Variants in RALGAPA1 observed in about 807,000 individuals in gnomAD.
RALGAPA1 encodes ral GTPase-activating protein subunit alpha-1.
A neutral mutation model predicts 269.6 loss-of-function variants in RALGAPA1; 52 were observed. The observed-to-expected ratio is 0.19, with a 90% confidence interval of 0.15 to 0.24. The LOEUF (loss-of-function observed/expected upper bound fraction) is 0.24, where lower values mean the gene tolerates loss of function less well. Ranked by LOEUF, RALGAPA1 falls within the 10% of genes least tolerant of loss-of-function variation. The pLI is 1.00. For synonymous variants in RALGAPA1, 817 were observed against 1,008.3 expected (o/e 0.81, Z 3.60); for missense variants, 1,917 against 3,013.9 (o/e 0.64, Z 8.52).
chr14:35,653,176 T>C (rs1329030706), intron 30 of RALGAPA1, among the ~76,000 whole-genome samples: 1 of 152,138 alleles, frequency 6.6e-6, no homozygotes, highest in African/African-American at 2.4e-5. Context: ...CTCAGTTCTC[T>C]CATCTTAAAT....
At chr14:35,664,335 G>A (rs2140158828) in intron 27 of RALGAPA1, among the ~76,000 whole-genome samples, 1 of 152,270 alleles carries the variant, frequency 6.6e-6, no homozygotes, top group Middle Eastern at 3.4e-3. Flanking sequence ...AATCTCAGAA[G>A]CTTTACATTA....
At chr14:35,614,208 C>A (rs2060116728) in intron 35 of RALGAPA1, among the ~76,000 whole-genome samples, 1 of 152,120 alleles carries the variant, frequency 6.6e-6, no homozygotes, top group Non-Finnish European at 1.5e-5. Context: ...ATCATATCAT[C>A]CAGCAATTCT....
intron 1 of RALGAPA1, among the ~76,000 whole-genome samples, chr14:35,789,082 T>C (rs1425869685): frequency 6.6e-6 from 1 of 152,086 alleles, no homozygotes; most frequent in African/African-American, 2.4e-5. Context: ...ATCAAACTAC[T>C]AGAGGGAAAG....
intron 1 of RALGAPA1, among the ~76,000 whole-genome samples, chr14:35,803,115 A>T (rs925777095): frequency 6.6e-5 from 10 of 152,236 alleles, no homozygotes; most frequent in Admixed American, 3.9e-4. Flanking sequence ...ATAAAGTTAC[A>T]GTAATCAAAC....
intron 21 of RALGAPA1, among the ~76,000 whole-genome samples, chr14:35,681,072 C>T (rs528858119): frequency 7.9e-5 from 12 of 152,092 alleles, no homozygotes; most frequent in South Asian, 2.1e-4. Context: ...AGATTTCTTT[C>T]GTAGTTTCTG....
intron 37 of RALGAPA1, among the ~76,000 whole-genome samples, chr14:35,592,765 C>G (rs1267473262): frequency 6.6e-6 from 1 of 152,134 alleles, no homozygotes; most frequent in Non-Finnish European, 1.5e-5. Context: ...GTGATCATCT[C>G]AATTGACGTA....
chr14:35,591,456 T>C (rs956869352), intron 37 of RALGAPA1, among the ~76,000 whole-genome samples: 1 of 152,054 alleles, frequency 6.6e-6, no homozygotes, highest in African/African-American at 2.4e-5. Flanking sequence ...ATTGGGACTA[T>C]AGGCACATGC....
intron 39 of RALGAPA1, among the ~76,000 whole-genome samples, chr14:35,556,717 T>G (rs2055641509): frequency 6.6e-6 from 1 of 152,182 alleles, no homozygotes; most frequent in Admixed American, 6.5e-5. Context: ...TATATTGTTT[T>G]CACTGCGTCT....
At chr14:35,766,015 A>C in intron 4 of RALGAPA1, 2 of 1,395,488 alleles carry the variant, frequency 1.4e-6, no homozygotes, top group East Asian at 4.6e-5. Context: ...CACTTTGAGA[A>C]TGAAGATTCA....
At chr14:35,714,176 T>C (rs1437901135) in intron 16 of RALGAPA1, among the ~76,000 whole-genome samples, 1 of 151,970 alleles carries the variant, frequency 6.6e-6, no homozygotes, top group Non-Finnish European at 1.5e-5. Context: ...TGCTGGGTCA[T>C]ATAATTTTAA....
Position 35,775,504 on chromosome 14 carries a change from T to C in RALGAPA1, c.217+131A>G, listed in dbSNP as rs150136404. On this transcript the variant is annotated intron_variant, in intron 2 of 41. Transcript: ENST00000680220. ...ATACAGGTCACTAGACCTATGATAG[T>C]AGTGTGAGAGGGAAAGCAAAAAGCT... is the stretch of plus-strand genomic sequence containing the variant. 1.1e-3 allele frequency: 1,188 copies of C among 1,071,158 alleles called. 2 individuals carry two copies. The African/African-American group carries it at 0.016, about 14-fold the overall frequency. 66.4% of individuals were successfully genotyped at this position (1,071,158 alleles called of 1,614,324 possible).
rs557979553 is a variant in RALGAPA1 at position 35,563,551 on chromosome 14, T to C, written c.7496+7066A>G. On this transcript the variant is annotated intron_variant, in intron 39 of 41. Transcript: ENST00000680220. ...GTAGGGAGGGTAAGGTAAAAATAATTGCTTCCAGGTCATCAAAAAATTTAC... is the reference window on the plus strand; with the variant it reads ...GTAGGGAGGGTAAGGTAAAAATAATCGCTTCCAGGTCATCAAAAAATTTAC... Among the ~76,000 whole-genome samples, 4 of 152,192 alleles carry C rather than the reference T, an allele frequency of 2.6e-5. No homozygotes were observed. In the East Asian group the frequency reaches 5.8e-4, roughly 22 times the overall value.
chr14:35,652,086 C>A (rs1429775845), intron 30 of RALGAPA1, among the ~76,000 whole-genome samples: 1 of 151,856 alleles, frequency 6.6e-6, no homozygotes, highest in African/African-American at 2.4e-5. Flanking sequence ...ATGTACAGAA[C>A]CAAAATTATA....
intron 1 of RALGAPA1, among the ~76,000 whole-genome samples, chr14:35,782,522 C>A (rs1463210276): frequency 6.6e-6 from 1 of 152,132 alleles, no homozygotes; most frequent in Non-Finnish European, 1.5e-5. Flanking sequence ...CAACCTCCGC[C>A]TCTCAGGTTC....
intron 6 of RALGAPA1, among the ~76,000 whole-genome samples, chr14:35,759,925 A>AAAAGAAAG (rs2073558726): frequency 6.6e-6 from 1 of 151,930 alleles, no homozygotes; most frequent in Admixed American, 6.6e-5. Flanking sequence ...AAAAAAAAAA[A>AAAAGAAAG]AAAGAAAGGA....
At chr14:35,635,355 A>C (rs1164719838) in intron 32 of RALGAPA1, 109 bp downstream of exon 32, 5 of 1,256,238 alleles carry the variant, frequency 4.0e-6, no homozygotes, top group Non-Finnish European at 4.2e-6. Flanking sequence ...ATGTGTTCTT[A>C]GAAATTTTCT....
At chr14:35,768,882 C>T (rs544926696) in intron 4 of RALGAPA1, among the ~76,000 whole-genome samples, 2 of 150,642 alleles carry the variant, frequency 1.3e-5, no homozygotes, top group South Asian at 4.2e-4. Context: ...GTGGTGCATG[C>T]CTGTAATCCC....
intron 29 of RALGAPA1, 124 bp downstream of exon 29, chr14:35,655,683 A>C: frequency 7.5e-7 from 1 of 1,341,080 alleles, no homozygotes; most frequent in Non-Finnish European, 9.9e-7. Flanking sequence ...GGATCAAGAA[A>C]ATAATAGAAT....
intron 37 of RALGAPA1, among the ~76,000 whole-genome samples, chr14:35,581,838 G>A (rs981864342): frequency 1.3e-5 from 2 of 152,060 alleles, no homozygotes; most frequent in African/African-American, 2.4e-5. Flanking sequence ...TTCTCAGAAA[G>A]CTACATATAC....
Sources: allele counts gnomAD v4.1 joint callset (sites outside exome capture counted in the v4.1 genomes callset), GRCh38; gene constraint gnomAD v4.1.1; transcripts MANE v1.5; gene names NCBI Gene and HGNC (gene_info 2026-07-23, HGNC 2026-07-21).